Variants in DPYD observed in about 807,000 individuals in gnomAD.
DPYD encodes dihydropyrimidine dehydrogenase [NADP(+)].
In DPYD, 109 loss-of-function variants were observed where a neutral mutation model predicts 116.2. The ratio of observed to expected loss-of-function variants is 0.94; its 90% CI spans 0.80 to 1.10. The LOEUF is 1.10. Ranked by LOEUF, DPYD falls within the 50% of genes least tolerant of loss-of-function variation. The pLI is 0.00. For synonymous variants in DPYD, 440 were observed against 432.0 expected, an observed-to-expected ratio of 1.02 and a Z score of -0.23; for missense variants, 1,302 against 1,254.5, an observed-to-expected ratio of 1.04 and a Z score of -0.57.
intron 20 of DPYD, among the ~76,000 whole-genome samples, chr1:97,130,239 C>A (rs1218636702): frequency 6.6e-6 from 1 of 152,138 alleles, no homozygotes; most frequent in Non-Finnish European, 1.5e-5. Flanking sequence ...TTGCAAAATT[C>A]TTTCCATGGT....
At chr1:97,617,407 C>A (rs919050311) in intron 8 of DPYD, among the ~76,000 whole-genome samples, 1 of 152,274 alleles carries the variant, frequency 6.6e-6, no homozygotes, top group African/African-American at 2.4e-5. Flanking sequence ...GACTAGTCAG[C>A]CTGTCCTACT....
chr1:97,521,694 C>G lies in DPYD; in HGVS notation c.1525-5753G>C, dbSNP rs368902017. Reference sequence around the variant, plus strand: ...CTACAGTAACCAAAACAGCATGGTACTGGTACCAAAACAGAGACATAGACC... The same window carrying G: ...CTACAGTAACCAAAACAGCATGGTAGTGGTACCAAAACAGAGACATAGACC... On this transcript the variant is annotated intron_variant, in intron 12 of 22. Transcript: ENST00000370192. Among the ~76,000 whole-genome samples the G allele has an allele frequency of 3.3e-5, 5 of 152,268 alleles. No homozygotes were observed. In the South Asian group the frequency reaches 8.3e-4, roughly 25 times the overall value.
At chr1:97,287,000 T>G (rs1306802344) in intron 18 of DPYD, among the ~76,000 whole-genome samples, 1 of 152,246 alleles carries the variant, frequency 6.6e-6, no homozygotes, top group Non-Finnish European at 1.5e-5. Flanking sequence ...GGCACTCTGC[T>G]TTTTAGAGTT....
intron 2 of DPYD, among the ~76,000 whole-genome samples, chr1:97,840,964 T>C (rs1183058333): frequency 6.6e-6 from 1 of 152,076 alleles, no homozygotes; most frequent in Non-Finnish European, 1.5e-5. Context: ...TGTAAGAATT[T>C]TTCTCCATGA....
At position 97,193,213 on chromosome 1, in the gene DPYD, C is replaced by T. The variant is rs201575324; in HGVS notation, c.2478G>A (p.Val826=). ...CSAIQNQDFT[V]IEDYCTGLKA... ...TGAGGCCAGTGCAGTAGTCTTCGAT[C>T]ACAGTGAAATCCTGATTCTGAATGG... Residue 826 remains valine, a synonymous_variant, in exon 20 of 23, where the codon GTG becomes GTA. Coordinates refer to ENST00000370192, the MANE Select transcript of DPYD (RefSeq NM_000110.4). The T allele has an allele frequency of 2.5e-6, 4 of 1,613,832 alleles. No homozygotes were observed. The Admixed American group carries it at 6.7e-5, about 27-fold the overall frequency.
chr1:97,590,541 T>C (rs1054408921), intron 10 of DPYD, among the ~76,000 whole-genome samples: 7 of 152,342 alleles, frequency 4.6e-5, no homozygotes, highest in African/African-American at 1.7e-4. Flanking sequence ...TTTAATATCA[T>C]ATAAAAATTT....
At chr1:97,154,711 A>C (rs1229110876) in intron 20 of DPYD, among the ~76,000 whole-genome samples, 1 of 151,890 alleles carries the variant, frequency 6.6e-6, no homozygotes, top group African/African-American at 2.4e-5. Flanking sequence ...CATCTCAAAA[A>C]AAAAAAAAAA....
intron 2 of DPYD, among the ~76,000 whole-genome samples, chr1:97,828,571 G>T (rs1217690194): frequency 6.6e-6 from 1 of 151,940 alleles, no homozygotes; most frequent in African/African-American, 2.4e-5. Context: ...ACTCAAAAGA[G>T]AAAACCATTA....
intron 2 of DPYD, among the ~76,000 whole-genome samples, chr1:97,830,261 G>A (rs565145683): frequency 3.9e-5 from 6 of 152,244 alleles, no homozygotes; most frequent in East Asian, 1.9e-4. Context: ...CACCACTGTA[G>A]AGGAACAAGT....
chr1:97,367,554 T>G (rs1243086175), intron 16 of DPYD, among the ~76,000 whole-genome samples: 1 of 152,106 alleles, frequency 6.6e-6, no homozygotes. Context: ...AATTGAACAA[T>G]ATGATTAAAC....
chr1:97,317,831 T>C (rs944452491), intron 16 of DPYD, among the ~76,000 whole-genome samples: 13 of 151,918 alleles, frequency 8.6e-5, no homozygotes, highest in Non-Finnish European at 1.9e-4. Context: ...AGAATTACTA[T>C]TGAGGCAATT....
At chr1:97,794,382 A>AC (rs1394091609) in intron 3 of DPYD, among the ~76,000 whole-genome samples, 4 of 152,226 alleles carry the variant, frequency 2.6e-5, no homozygotes, top group African/African-American at 9.6e-5. Flanking sequence ...GACCAAAAAA[A>AC]ATAAACAAAT....
At chr1:97,614,752 G>T (rs2786505) in intron 8 of DPYD, among the ~76,000 whole-genome samples, 19,939 of 152,064 alleles carry the variant, frequency 0.13, 1,498 homozygotes, top group African/African-American at 0.18. Flanking sequence ...TAATGTTACA[G>T]GTTGAAGAGA....
intron 3 of DPYD, among the ~76,000 whole-genome samples, chr1:97,823,177 C>T (rs566730802): frequency 8.6e-5 from 13 of 151,672 alleles, no homozygotes; most frequent in East Asian, 1.9e-4. Context: ...TTTTTTGAGA[C>T]GGAGTCTCAC....
At chr1:97,356,778 C>T (rs1286951039) in intron 16 of DPYD, among the ~76,000 whole-genome samples, 1 of 152,164 alleles carries the variant, frequency 6.6e-6, no homozygotes, top group Non-Finnish European at 1.5e-5. Flanking sequence ...GAAAAGATGT[C>T]CTTTTTCCAA....
chr1:97,646,426 T>C (rs1042343349), intron 8 of DPYD, among the ~76,000 whole-genome samples: 1 of 152,072 alleles, frequency 6.6e-6, no homozygotes, highest in Non-Finnish European at 1.5e-5. Context: ...TTAGTGATTA[T>C]GTTGTTTGAA....
At chr1:97,379,926 C>T (rs564213142) in intron 15 of DPYD, among the ~76,000 whole-genome samples, 3 of 152,306 alleles carry the variant, frequency 2.0e-5, no homozygotes, top group African/African-American at 7.2e-5. Context: ...GCAATTGGCT[C>T]CATTTCCTTG....
intron 13 of DPYD, among the ~76,000 whole-genome samples, chr1:97,511,540 C>T (rs925620467): frequency 9.9e-5 from 15 of 151,948 alleles, no homozygotes; most frequent in Non-Finnish European, 1.6e-4. Flanking sequence ...TTAAATAATT[C>T]ATTTATATTA....
At chr1:97,153,257 G>A (rs1655165808) in intron 20 of DPYD, among the ~76,000 whole-genome samples, 1 of 152,040 alleles carries the variant, frequency 6.6e-6, no homozygotes. Flanking sequence ...AGGTTCAGAT[G>A]GGGAAAAAGA....
Sources: allele counts gnomAD v4.1 joint callset (sites outside exome capture counted in the v4.1 genomes callset), GRCh38; gene constraint gnomAD v4.1.1; transcripts MANE v1.5; gene names NCBI Gene and HGNC (gene_info 2026-07-23, HGNC 2026-07-21).